The following ABCA13 variants were observed in gnomAD, a reference collection of about 807,000 sequenced individuals.
ABCA13 encodes ATP binding cassette subfamily A member 13.
A neutral mutation model predicts 478.7 loss-of-function variants in ABCA13; 476 were observed. The observed-to-expected ratio is 0.99, with a 90% CI of 0.92 to 1.07. The LOEUF is 1.07. ABCA13 is among the 50% of genes least tolerant of loss of function. The probability of loss-of-function intolerance (pLI) is 0.00; values close to 1 mark genes in which losing one functional copy is unlikely to be tolerated. For synonymous variants in ABCA13, 2,252 were observed against 2,158.9 expected (o/e 1.04, Z -1.20); for missense variants, 6,060 against 5,910.6 (o/e 1.03, Z -0.83).
chr7:48,610,206 C>G lies in ABCA13; in HGVS notation c.14745-5079C>G, dbSNP rs117697823. ...CAGACATTGGGCAAATACACCTGAA[C>G]AAAAAGGAAGAAATCAGCTAAAAGA... On this transcript the variant is annotated intron_variant, in intron 58 of 61. Coordinates refer to ENST00000435803, the MANE Select transcript of ABCA13 (RefSeq NM_152701.5). 1.3e-3 allele frequency among the ~76,000 whole-genome samples: 198 copies of G among 152,252 alleles called. 6 individuals carry two copies. The East Asian group carries it at 0.037, about 28-fold the overall frequency.
chr7:48,364,701 G>A (rs557155460), intron 31 of ABCA13, among the ~76,000 whole-genome samples: 1 of 152,178 alleles, frequency 6.6e-6, no homozygotes, highest in Non-Finnish European at 1.5e-5. Context: ...TTAATATAAT[G>A]TCCTCCAGTT....
rs563692415 is a variant in ABCA13 at position 48,587,197 on chromosome 7, C to A, written c.14549C>A (p.Ala4850Glu). Reference protein sequence around the residue: ...LIRRLHLEAHADKPVATYSGG... With the variant: ...LIRRLHLEAHEDKPVATYSGG... ...AGGCGCTTACACCTCGAAGCCCACGCGGACAAACCTGTGGCCACCTACAGT... is the reference window on the plus strand; with the variant it reads ...AGGCGCTTACACCTCGAAGCCCACGAGGACAAACCTGTGGCCACCTACAGT... Residue 4850 changes from alanine (A) to glutamate (E), a missense_variant, in exon 57 of 62, where the codon GCG becomes GAG. Coordinates refer to ENST00000435803, the MANE Select transcript of ABCA13 (RefSeq NM_152701.5). 2.5e-6 allele frequency: 4 copies of A among 1,612,892 alleles called. No individual in the cohort carries two copies. The South Asian group carries it at 3.3e-5, about 13-fold the overall frequency.
chr7:48,403,597 A>G, intron 38 of ABCA13, 86 bp from the exon 39 acceptor site: 7 of 1,340,460 alleles, frequency 5.2e-6, no homozygotes, highest in South Asian at 1.3e-5. Context: ...GATTTCAGCC[A>G]CTGTTAGTCA....
intron 59 of ABCA13, chr7:48,626,566 C>T: frequency 1.0e-6 from 1 of 961,714 alleles, no homozygotes; most frequent in African/African-American, 1.8e-5. Flanking sequence ...AGGAGAATAA[C>T]TGGCCTATTA....
chr7:48,390,779 G>T (rs937736555), intron 37 of ABCA13, among the ~76,000 whole-genome samples: 2 of 152,284 alleles, frequency 1.3e-5, no homozygotes, highest in East Asian at 3.9e-4. Flanking sequence ...CTGCTCCTTG[G>T]GACAGCTGAG....
rs577347863 is a variant in ABCA13 at position 48,500,445 on chromosome 7, A to G, written c.13292-5891A>G. Among the ~76,000 whole-genome samples, 16 of 152,148 alleles carry G rather than the reference A, an allele frequency of 1.1e-4. No homozygotes were observed. The East Asian group carries it at 2.3e-3, about 22-fold the overall frequency. ...TTTATTCATTACTCTTATTTTTGAG[A>G]AAATATCCATTATTTATTTAAGTAA... On this transcript the variant is annotated intron_variant, in intron 48 of 61. Coordinates refer to ENST00000435803, the MANE Select transcript of ABCA13 (RefSeq NM_152701.5).
At chr7:48,469,673 A>C (rs1446620968) in intron 44 of ABCA13, among the ~76,000 whole-genome samples, 3 of 152,056 alleles carry the variant, frequency 2.0e-5, no homozygotes, top group Non-Finnish European at 4.4e-5. Context: ...GCACCTTAGC[A>C]CTTTGGGGAG....
chr7:48,514,211 T>G (rs936890609), intron 51 of ABCA13, among the ~76,000 whole-genome samples: 2 of 152,198 alleles, frequency 1.3e-5, no homozygotes, highest in Non-Finnish European at 2.9e-5. Flanking sequence ...AAGCAGATGA[T>G]AATCTTGCTG....
intron 58 of ABCA13, among the ~76,000 whole-genome samples, chr7:48,606,879 G>A (rs1047831999): frequency 3.3e-5 from 5 of 152,208 alleles, no homozygotes; most frequent in Non-Finnish European, 7.3e-5. Context: ...GTCCCTGACT[G>A]GGGCTGCTGC....
chr7:48,560,355 G>A (rs1208796586), intron 55 of ABCA13, among the ~76,000 whole-genome samples: 1 of 152,162 alleles, frequency 6.6e-6, no homozygotes, highest in Non-Finnish European at 1.5e-5. Context: ...TCCCCCAAGT[G>A]CACAGATTCC....
intron 32 of ABCA13, among the ~76,000 whole-genome samples, chr7:48,369,256 T>C (rs2129019535): frequency 6.6e-6 from 1 of 152,302 alleles, no homozygotes; most frequent in Admixed American, 6.5e-5. Context: ...AAATTGTTTT[T>C]TTCTTGCAGT....
Position 48,506,325 on chromosome 7 carries a change from G to T in ABCA13, c.13292-11G>T. On this transcript the variant is annotated splice_polypyrimidine_tract_variant and intron_variant, in intron 48 of 61. Coordinates refer to ENST00000435803, the MANE Select transcript of ABCA13 (RefSeq NM_152701.5). ...AGGCTGAAGGCTCACTTTTCAATTT[G>T]TCTTTCACAGGAATAACACTCTACA... is the stretch of plus-strand genomic sequence containing the variant. 6.2e-7 allele frequency: 1 copy of T among 1,613,602 alleles called. No homozygotes were observed. Among genetic ancestry groups the T allele is most frequent in the African/African-American group, 1.3e-5 (1 of 75,024 alleles).
chr7:48,516,318 T>C (rs1049825270), intron 51 of ABCA13, among the ~76,000 whole-genome samples: 12 of 152,170 alleles, frequency 7.9e-5, no homozygotes, highest in African/African-American at 2.9e-4. Context: ...TGTACTGTCT[T>C]GCTCTATCCC....
At chr7:48,248,530 ATATGGTAGAT>A (rs1269893013) in intron 14 of ABCA13, 86 bp downstream of exon 14, 16 of 1,071,834 alleles carry the variant, frequency 1.5e-5, no homozygotes, top group Non-Finnish European at 2.1e-5. Context: ...TGATAGATCA[ATATGGTAGAT>A]TATATTTTGA....
Position 48,275,536 on chromosome 7 carries a change from A to G in ABCA13, c.5870A>G (p.Glu1957Gly). 1 of 1,613,826 alleles carries G rather than the reference A, an allele frequency of 6.2e-7. No homozygotes were observed. The highest frequency in any genetic ancestry group is 1.7e-5 in the Admixed American group (1 of 60,024). ...AAGCAAGTTGCTTTGCAAATCATAG[A>G]AAAACTTAAAAATGTCAACTTTACA... The part of the protein sequence containing the change: ...SIKQVALQII[E>G]KLKNVNFTKV... Residue 1957 changes from glutamate (E) to glycine (G), a missense_variant, in exon 17 of 62, where the codon GAA becomes GGA. By Grantham distance (98) the Glu-to-Gly change is moderately conservative. This residue lies in a region of ABCA13 where 4,423 missense variants were observed against 4,309.1 expected (regional missense o/e 1.03). Coordinates refer to ENST00000435803, the MANE Select transcript of ABCA13 (RefSeq NM_152701.5).
At chr7:48,368,200 A>G (rs1378364964) in intron 32 of ABCA13, among the ~76,000 whole-genome samples, 1 of 152,210 alleles carries the variant, frequency 6.6e-6, no homozygotes, top group Non-Finnish European at 1.5e-5. Context: ...AAAACCCAGA[A>G]AAACATAGCA....
rs1002503937 is a variant in ABCA13 at position 48,227,172 on chromosome 7, A to G, written c.469-90A>G. ...AGTTTCTACTAGGAGAATGTCTACA[A>G]TTTTGCACCTTTGTAGCATCTGTCT... is the stretch of plus-strand genomic sequence containing the variant. On this transcript the variant is annotated intron_variant, in intron 5 of 61. Coordinates refer to ENST00000435803, the MANE Select transcript of ABCA13 (RefSeq NM_152701.5). 38 of 1,365,048 alleles carry G rather than the reference A, an allele frequency of 2.8e-5. No individual in the cohort carries two copies. The African/African-American group carries it at 4.9e-4, about 18-fold the overall frequency. The allele number at this position is 1,365,048 out of a possible 1,614,324, so 84.6% of individuals were successfully genotyped here. A position where few individuals can be genotyped will look rare whatever the true frequency, so the allele number is the denominator to read the frequency against.
At chr7:48,333,073 C>T (rs1442788992) in intron 27 of ABCA13, among the ~76,000 whole-genome samples, 1 of 152,176 alleles carries the variant, frequency 6.6e-6, no homozygotes, top group African/African-American at 2.4e-5. Flanking sequence ...TCTAATGACA[C>T]CAGTATCAAA....
At chr7:48,296,209 G>T (rs1799342190) in intron 21 of ABCA13, among the ~76,000 whole-genome samples, 1 of 152,082 alleles carries the variant, frequency 6.6e-6, no homozygotes, top group African/African-American at 2.4e-5. Flanking sequence ...GGGCAACATA[G>T]CAAGACCCTG....
Sources: gnomAD v4.1 joint callset for allele counts (sites outside exome capture counted in the v4.1 genomes callset) on GRCh38, gnomAD v4.1.1 for gene constraint, gnomAD v4.1.1 regional missense constraint, MANE v1.5 for transcripts, NCBI Gene and HGNC (gene_info 2026-07-23, HGNC 2026-07-21) for gene names.